Variants in MED23 observed in about 807,000 individuals in gnomAD.
The protein encoded by MED23 is mediator of RNA polymerase II transcription subunit 23.
MED23 carries 105 observed loss-of-function variants against 163.9 expected under a neutral mutation model. That is an observed-to-expected ratio of 0.64 (90% CI 0.55 to 0.75). The LOEUF is 0.75. MED23 is among the 30% of genes least tolerant of loss of function. MED23 has a pLI of 0.00. For synonymous variants in MED23, 561 were observed against 565.6 expected, an observed-to-expected ratio of 0.99 and a Z score of 0.12; for missense variants, 1,054 against 1,649.0, an observed-to-expected ratio of 0.64 and a Z score of 6.25.
chr6:131,606,358 C>G lies in MED23; in HGVS notation c.1367+121G>C. ...TATGACATATACATCAAGTATTTGC[C>G]CTTACCTATAGTGGGTATGCGGAGA... On this transcript the variant is annotated intron_variant, in intron 13 of 28. Transcript: ENST00000368068. 3 of 942,606 alleles carry G rather than the reference C, an allele frequency of 3.2e-6. No individual in the cohort carries two copies. The South Asian group carries it at 4.3e-5, about 13-fold the overall frequency. The allele number at this position is 942,606 out of a possible 1,614,324, so 58.4% of individuals were successfully genotyped here.
At chr6:131,621,528 G>A (rs1047487449) in intron 6 of MED23, among the ~76,000 whole-genome samples, 10 of 152,120 alleles carry the variant, frequency 6.6e-5, no homozygotes, top group Non-Finnish European at 2.9e-5. Context: ...CCTTGCACAT[G>A]CTTTAAATAT....
chr6:131,592,594 A>T (rs1774726720), intron 24 of MED23, 134 bp from the exon 25 acceptor site: 2 of 778,382 alleles, frequency 2.6e-6, no homozygotes, highest in Admixed American at 4.4e-5. Flanking sequence ...AACAATGGGG[A>T]ATTTTTTATT....
At chr6:131,609,144 T>G (rs1776073597) in intron 11 of MED23, among the ~76,000 whole-genome samples, 1 of 152,182 alleles carries the variant, frequency 6.6e-6, no homozygotes, top group South Asian at 2.1e-4. Context: ...TTTGTACCTG[T>G]CCATCGCTAC....
chr6:131,608,324 A>AT (rs1050743560), intron 11 of MED23, among the ~76,000 whole-genome samples: 2 of 152,120 alleles, frequency 1.3e-5, no homozygotes, highest in African/African-American at 4.8e-5. Context: ...GCATATAAAA[A>AT]TGCAATGTTT....
downstream of MED23, chr6:131,584,020 T>C: frequency 7.8e-7 from 1 of 1,276,546 alleles, no homozygotes. Context: ...GAAAAATGTT[T>C]TTCCAATTAG....
At chr6:131,620,804 ATTT>A (rs763118261) in intron 6 of MED23, 75 bp from the exon 7 acceptor site, 868 of 666,036 alleles carry the variant, frequency 1.3e-3, no homozygotes, top group Middle Eastern at 3.3e-3. Flanking sequence ...TATTATCATT[ATTT>A]TTTTTTTTTT....
chr6:131,611,009 A>T (rs1191193271), intron 10 of MED23, among the ~76,000 whole-genome samples: 1 of 152,220 alleles, frequency 6.6e-6, no homozygotes, highest in Admixed American at 6.5e-5. Flanking sequence ...TGCTTTTAAA[A>T]GTGATTTAAA....
At chr6:131,605,115 C>A (rs541697133) in intron 14 of MED23, 125 bp downstream of exon 14, 238 of 976,036 alleles carry the variant, frequency 2.4e-4, no homozygotes, top group Non-Finnish European at 3.4e-4. Flanking sequence ...TAAAATAAAG[C>A]TAACTTTTTT....
rs1448684501 is a variant in MED23, at chr6:131,616,130, G to GA, written c.781-129dup. 11 of 743,842 alleles carry GA rather than the reference G, an allele frequency of 1.5e-5. No individual in the cohort carries two copies. The Admixed American group carries it at 1.5e-4, about 10-fold the overall frequency. 46.1% of individuals were successfully genotyped at this position (743,842 alleles called of 1,614,324 possible). On this transcript the variant is annotated intron_variant, in intron 9 of 28. Transcript: ENST00000368068. ...TCACAGAGTAGGCAGTATCTAGTGG[G>GA]AAAAAAATCATAGGATTTTAGTGCT... is the stretch of plus-strand genomic sequence containing the variant.
At chr6:131,604,508 G>A (rs907312526) in intron 14 of MED23, among the ~76,000 whole-genome samples, 188 bp from the exon 15 acceptor site, 3 of 152,120 alleles carry the variant, frequency 2.0e-5, no homozygotes, top group East Asian at 1.9e-4. Flanking sequence ...GACTCATTCC[G>A]TTTCTGTGGC....
At chr6:131,589,957 T>C (rs559148840) in intron 27 of MED23, among the ~76,000 whole-genome samples, 2 of 152,336 alleles carry the variant, frequency 1.3e-5, no homozygotes, top group South Asian at 4.1e-4. Context: ...ATTTGGTAGC[T>C]CTTGCTTTAA....
At chr6:131,582,607 C>A, downstream of MED23, 1 of 1,603,048 alleles carries the variant, frequency 6.2e-7, no homozygotes, top group Non-Finnish European at 8.5e-7. Context: ...CAAGTGAAAA[C>A]ATTGTAATTT....
chr6:131,599,762 A>T (rs1775330462), intron 18 of MED23, among the ~76,000 whole-genome samples: 6 of 150,932 alleles, frequency 4.0e-5, no homozygotes, highest in Admixed American at 4.0e-4. Flanking sequence ...TTTTTTCTAC[A>T]GACAGGGTCT....
Position 131,621,924 on chromosome 6 carries a change from G to C in MED23, c.452C>G (p.Thr151Arg), listed in dbSNP as rs143799081. Residue 151 changes from threonine (T) to arginine (R), a missense_variant, in exon 6 of 29, where the codon ACA (threonine) becomes AGA (arginine). Physicochemically the swap from Thr to Arg is moderately conservative, Grantham distance 71. Transcript: ENST00000368068. ...ILEKILTIPNTVSSAVVQQLL... is the reference protein window; with the variant it reads ...ILEKILTIPNRVSSAVVQQLL... ...CTGCTGTACAACAGCAGAGCTCACT[G>C]TATTAGGAATTGTCAAAATCTTCTC... 137 of 1,613,736 alleles carry C rather than the reference G, an allele frequency of 8.5e-5. No individual in the cohort carries two copies. Among genetic ancestry groups the C allele is most frequent in the Non-Finnish European group, 1.1e-4 (126 of 1,179,738 alleles).
At chr6:131,601,921 T>C (rs996238407) in intron 17 of MED23, among the ~76,000 whole-genome samples, 1 of 152,016 alleles carries the variant, frequency 6.6e-6, no homozygotes, top group African/African-American at 2.4e-5. Context: ...CAGAAACTCT[T>C]TGGGAATTTC....
intron 14 of MED23, among the ~76,000 whole-genome samples, 189 bp downstream of exon 14, chr6:131,605,051 C>A (rs967004052): frequency 1.1e-4 from 17 of 152,086 alleles, no homozygotes; most frequent in Non-Finnish European, 2.4e-4. Context: ...CAATTACTTT[C>A]TTTGGGTTTG....
chr6:131,574,144 G>C, exon 31 of MED23: 1 of 953,966 alleles, frequency 1.0e-6, no homozygotes, highest in Non-Finnish European at 1.7e-6. Context: ...ACGCATCTGT[G>C]CTTAAAGAGG....
intron 6 of MED23, 50 bp from the exon 7 acceptor site, chr6:131,620,779 G>C: frequency 8.9e-6 from 9 of 1,010,746 alleles, no homozygotes; most frequent in Non-Finnish European, 1.2e-5. Context: ...CCACATATAA[G>C]CCCTTTATTT....
chr6:131,579,326 G>C (rs1306976239), intron 30 of MED23: 4 of 1,606,442 alleles, frequency 2.5e-6, no homozygotes, highest in Non-Finnish European at 2.6e-6. Context: ...CTGGCACAAA[G>C]GAAGTAACCA....
Sources: gnomAD v4.1 joint callset for allele counts (sites outside exome capture counted in the v4.1 genomes callset) on GRCh38, gnomAD v4.1.1 for gene constraint, MANE v1.5 for transcripts, NCBI Gene and HGNC (gene_info 2026-07-23, HGNC 2026-07-21) for gene names.